COL14A1: variants seen among roughly 807,000 people sequenced by gnomAD.
The protein encoded by COL14A1 is collagen alpha-1(XIV) chain.
Under a neutral mutation model 230.3 loss-of-function variants are expected in COL14A1, and 136 were observed. The observed-to-expected ratio is 0.59, with a 90% confidence interval of 0.51 to 0.68. COL14A1 has a LOEUF of 0.68. Among genes scored for constraint, COL14A1 ranks in the 30% least tolerant of loss-of-function variants. The probability of loss-of-function intolerance (pLI) is 0.00; values close to 1 mark genes in which losing one functional copy is unlikely to be tolerated. For missense variants in COL14A1, 1,976 were observed against 2,215.8 expected, an observed-to-expected ratio of 0.89 and a Z score of 2.17; for synonymous variants, 792 against 784.1, an observed-to-expected ratio of 1.01 and a Z score of -0.17.
rs752504042 is a variant in COL14A1 at position 120,270,163 on chromosome 8, G to A, written c.3202G>A (p.Asp1068Asn). 1 of 1,610,112 alleles carries A rather than the reference G, an allele frequency of 6.2e-7. No individual in the cohort carries two copies. Among genetic ancestry groups the A allele is most frequent in the Non-Finnish European group, 8.5e-7 (1 of 1,177,734 alleles). The change falls in exon 26 of 48, where the codon GAT becomes AAT. Residue 1068 changes from aspartate to asparagine, a missense_variant. Physicochemically the swap from Asp to Asn is conservative, Grantham distance 23. Around this residue, in one of 3 missense-constraint regions of COL14A1, gnomAD observed 1,791 missense variants for 2,019.5 expected, o/e 0.89. Transcript: ENST00000297848. The part of the protein sequence containing the change: ...TVGALNKIGT[D>N]GTQVAMVQFT... The stretch of plus-strand genomic sequence containing the variant: ...TGGAGCCCTGAACAAGATTGGCACA[G>A]ATGGAACCCAAGTAAGGCTAATAAA...
At chr8:120,347,866 C>T (rs1388475988) in intron 45 of COL14A1, among the ~76,000 whole-genome samples, 1 of 151,906 alleles carries the variant, frequency 6.6e-6, no homozygotes, top group South Asian at 2.1e-4. Flanking sequence ...AAAATAAGTA[C>T]TATTACCAGG....
intron 23 of COL14A1, among the ~76,000 whole-genome samples, chr8:120,260,679 C>T (rs1015470099): frequency 1.3e-5 from 2 of 152,098 alleles, no homozygotes; most frequent in Admixed American, 6.6e-5. Context: ...GTGATTCCTC[C>T]TCTTAATCAG....
chr8:120,339,980 G>T (rs568016547), intron 42 of COL14A1, among the ~76,000 whole-genome samples: 1 of 149,684 alleles, frequency 6.7e-6, no homozygotes, highest in African/African-American at 2.5e-5. Flanking sequence ...AGAGGCTGCA[G>T]TGAGCTGAGA....
intron 4 of COL14A1, among the ~76,000 whole-genome samples, chr8:120,165,732 G>C (rs1815845369): frequency 6.6e-6 from 1 of 152,020 alleles, no homozygotes; most frequent in African/African-American, 2.4e-5. Flanking sequence ...TTTTAATTTA[G>C]GACCTTTAAA....
chr8:120,354,840 A>G (rs767441344), intron 45 of COL14A1, among the ~76,000 whole-genome samples: 9 of 152,268 alleles, frequency 5.9e-5, no homozygotes, highest in Non-Finnish European at 1.3e-4. Flanking sequence ...GCATAACATC[A>G]TGCTTTATAT....
intron 19 of COL14A1, among the ~76,000 whole-genome samples, chr8:120,241,142 T>A (rs568665332): frequency 2.0e-4 from 30 of 152,366 alleles, no homozygotes; most frequent in Admixed American, 4.6e-4. Flanking sequence ...TAGTTTCAGA[T>A]ATTAAGATTA....
chr8:120,267,352 A>G (rs1439127770), intron 25 of COL14A1, among the ~76,000 whole-genome samples: 5 of 152,006 alleles, frequency 3.3e-5, no homozygotes, highest in African/African-American at 1.2e-4. Context: ...TTTTATTTCA[A>G]TAATGAACAT....
intron 13 of COL14A1, among the ~76,000 whole-genome samples, chr8:120,213,527 A>G (rs1271144709): frequency 6.6e-6 from 1 of 152,218 alleles, no homozygotes; most frequent in Non-Finnish European, 1.5e-5. Context: ...AGAAAGACCA[A>G]TGTAATTAAA....
intron 21 of COL14A1, 27 bp downstream of exon 21, chr8:120,247,762 G>T: frequency 6.2e-7 from 1 of 1,609,362 alleles, no homozygotes; most frequent in Non-Finnish European, 8.5e-7. Flanking sequence ...AAATAATGTT[G>T]ATACCATGAG....
At chr8:120,215,223 T>C (rs902149625) in intron 13 of COL14A1, among the ~76,000 whole-genome samples, 2 of 152,052 alleles carry the variant, frequency 1.3e-5, no homozygotes, top group African/African-American at 2.4e-5. Context: ...ATATAAAAAC[T>C]AGCAAGGTGT....
At chr8:120,134,269 A>G (rs1397310416) in intron 1 of COL14A1, among the ~76,000 whole-genome samples, 1 of 152,118 alleles carries the variant, frequency 6.6e-6, no homozygotes, top group Non-Finnish European at 1.5e-5. Context: ...AGAAAATATT[A>G]AAACATATTA....
chr8:120,341,371 T>C lies in COL14A1; in HGVS notation c.4821+11T>C. The stretch of plus-strand genomic sequence containing the variant: ...GAACGAGGAGAGCGGGTAAGTATCC[T>C]GTGGCTCTGCTTTCTGGCCCCAGCT... On this transcript the variant is annotated intron_variant, in intron 43 of 47. Coordinates refer to ENST00000297848, the MANE Select transcript of COL14A1 (RefSeq NM_021110.4). 3 of 1,613,940 alleles carry C rather than the reference T, an allele frequency of 1.9e-6. No individual in the cohort carries two copies. The highest frequency in any genetic ancestry group is 2.2e-5 in the East Asian group (1 of 44,882).
rs377550049 is a variant in COL14A1, at chr8:120,352,237, T to C, written c.5077+6674T>C. On this transcript the variant is annotated intron_variant, in intron 45 of 47. Transcript: ENST00000297848. ...TAAATTAGGTATTGATGGGACATAT[T>C]TCAAAATAATAAGAGCTATCTATGA... Among the ~76,000 whole-genome samples the C allele has an allele frequency of 5.5e-4, 24 of 43,314 alleles. 1 individual carries two copies. The highest frequency in any genetic ancestry group is 8.8e-4 in the Non-Finnish European group (22 of 24,950). 28.4% of individuals were successfully genotyped at this position (43,314 alleles called of 152,430 possible).
chr8:120,136,305 T>C (rs550377047), intron 1 of COL14A1, among the ~76,000 whole-genome samples: 99 of 152,124 alleles, frequency 6.5e-4, no homozygotes, highest in Non-Finnish European at 7.1e-4. Context: ...TGAGTTTCTT[T>C]AAAATCCTGA....
At chr8:120,336,951 G>C (rs545559141) in intron 42 of COL14A1, among the ~76,000 whole-genome samples, 80 of 152,278 alleles carry the variant, frequency 5.3e-4, no homozygotes, top group African/African-American at 1.9e-3. Flanking sequence ...CAGGCTGTTA[G>C]GTACTGCATT....
At chr8:120,282,469 T>C (rs1820068580) in intron 31 of COL14A1, among the ~76,000 whole-genome samples, 1 of 152,188 alleles carries the variant, frequency 6.6e-6, no homozygotes, top group African/African-American at 2.4e-5. Context: ...GTCAGTTTAT[T>C]TGCTGATGTA....
chr8:120,280,370 CAATGTATTAAG>C (rs370268616), intron 29 of COL14A1, among the ~76,000 whole-genome samples: 183 of 152,236 alleles, frequency 1.2e-3, no homozygotes, highest in African/African-American at 4.3e-3. Flanking sequence ...AAATAATTTT[CAATGTATTAAG>C]AATGTATTAA....
At chr8:120,335,928 G>A (rs553779561) in intron 42 of COL14A1, among the ~76,000 whole-genome samples, 39 of 152,190 alleles carry the variant, frequency 2.6e-4, no homozygotes, top group Non-Finnish European at 5.0e-4. Context: ...TGCATTAGAA[G>A]TCAGGATACC....
intron 19 of COL14A1, among the ~76,000 whole-genome samples, chr8:120,242,159 C>T (rs1818624776): frequency 6.6e-6 from 1 of 152,140 alleles, no homozygotes; most frequent in African/African-American, 2.4e-5. Context: ...TATACATCTA[C>T]AAATATTCCT....
Sources: gnomAD v4.1 joint callset for allele counts (sites outside exome capture counted in the v4.1 genomes callset) on GRCh38, gnomAD v4.1.1 for gene constraint, gnomAD v4.1.1 regional missense constraint, MANE v1.5 for transcripts, NCBI Gene and HGNC (gene_info 2026-07-23, HGNC 2026-07-21) for gene names.